MYOF: variants seen among roughly 807,000 people sequenced by gnomAD.
The protein encoded by MYOF is myoferlin.
In MYOF, 244 loss-of-function variants were observed where a neutral mutation model predicts 284.2. That is an observed-to-expected ratio of 0.86 (90% CI 0.77 to 0.95). The LOEUF is 0.95. Among genes scored for constraint, MYOF ranks in the 40% least tolerant of loss-of-function variants. The pLI, the probability that MYOF is intolerant of heterozygous loss-of-function variation, is 0.00. For missense variants in MYOF, 2,496 were observed against 2,560.6 expected (o/e 0.97, Z 0.54); for synonymous variants, 904 against 919.7 (o/e 0.98, Z 0.31).
At position 93,310,275 on chromosome 10, in the gene MYOF, GAAAAA is replaced by G. The variant is rs1489442010; in HGVS notation, c.6000-113_6000-109del. 17 of 1,391,894 alleles carry G rather than the reference GAAAAA, an allele frequency of 1.2e-5. No homozygotes were observed. In the East Asian group the frequency reaches 3.7e-4, roughly 30 times the overall value. 86.2% of individuals were successfully genotyped at this position (1,391,894 alleles called of 1,614,324 possible). ...TAAAGAATCACATTAATAAGGTCAA[GAAAAA>G]ATACTGTTCCCCTTCGTTGACTGAG... is the stretch of plus-strand genomic sequence containing the variant. On this transcript the variant is annotated intron_variant, in intron 52 of 53. Coordinates refer to ENST00000359263, the MANE Select transcript of MYOF (RefSeq NM_013451.4).
intron 21 of MYOF, among the ~76,000 whole-genome samples, chr10:93,378,717 G>GTATATATATATATGTATA (rs1262928506): frequency 4.8e-5 from 2 of 41,832 alleles, no homozygotes; most frequent in African/African-American, 1.8e-4. Context: ...ATATATATAT[G>GTATATATATATATGTATA]TATATATTTA....
At chr10:93,464,303 C>T (rs1224009419) in intron 1 of MYOF, among the ~76,000 whole-genome samples, 6 of 152,186 alleles carry the variant, frequency 3.9e-5, no homozygotes, top group Non-Finnish European at 8.8e-5. Context: ...GACTTGCTAG[C>T]CCCCACAACT....
At chr10:93,428,688 C>A (rs1848705403) in intron 4 of MYOF, among the ~76,000 whole-genome samples, 1 of 151,940 alleles carries the variant, frequency 6.6e-6, no homozygotes, top group African/African-American at 2.4e-5. Flanking sequence ...TGTCTTGGAA[C>A]TACTGCTCTG....
chr10:93,422,519 A>G (rs1341283786), intron 5 of MYOF, among the ~76,000 whole-genome samples: 1 of 152,200 alleles, frequency 6.6e-6, no homozygotes, highest in Admixed American at 6.5e-5. Context: ...AGTTGGGGCC[A>G]GGCGTGGTGG....
intron 39 of MYOF, among the ~76,000 whole-genome samples, chr10:93,338,936 A>C (rs1463464958): frequency 8.8e-5 from 13 of 147,616 alleles, no homozygotes; most frequent in South Asian, 2.1e-4. Flanking sequence ...AAAAAAAAAA[A>C]CAAACAAAAA....
chr10:93,440,333 AC>A (rs2056208343), intron 3 of MYOF, among the ~76,000 whole-genome samples: 1 of 151,594 alleles, frequency 6.6e-6, no homozygotes, highest in African/African-American at 2.4e-5. Context: ...AATCACTTGA[AC>A]CCGGGAGGCA....
intron 53 of MYOF, among the ~76,000 whole-genome samples, chr10:93,307,831 G>A (rs1435173976): frequency 3.3e-5 from 5 of 149,904 alleles, no homozygotes; most frequent in Non-Finnish European, 7.4e-5. Flanking sequence ...CACCATGTTG[G>A]TCAGGCTGGT....
At chr10:93,337,611 A>G (rs1843675387) in intron 40 of MYOF, 2 of 517,154 alleles carry the variant, frequency 3.9e-6, no homozygotes, top group South Asian at 6.7e-5. Flanking sequence ...TCACGTAACC[A>G]TAACTCAATA....
chr10:93,436,612 G>A (rs566002386), intron 3 of MYOF, among the ~76,000 whole-genome samples: 15 of 152,220 alleles, frequency 9.9e-5, no homozygotes, highest in African/African-American at 3.4e-4. Context: ...TTTTCATTGT[G>A]AATTGAAGAA....
Position 93,353,898 on chromosome 10 carries a change from CA to C in MYOF, c.3404-11del, listed in dbSNP as rs1844656918. On this transcript the variant is annotated splice_polypyrimidine_tract_variant and intron_variant, in intron 31 of 53. Coordinates refer to ENST00000359263, the MANE Select transcript of MYOF (RefSeq NM_013451.4). Reference sequence around the variant, plus strand: ...TGGTAGATGTAGACTCCTAAAAAAACAGGATAAAGATTACTTACAAGAAGCG... The same window carrying C: ...TGGTAGATGTAGACTCCTAAAAAAACGGATAAAGATTACTTACAAGAAGCG... The C allele has an allele frequency of 1.3e-6, 2 of 1,597,166 alleles. No individual in the cohort carries two copies. Among genetic ancestry groups the C allele is most frequent in the Admixed American group, 1.7e-5 (1 of 58,614 alleles).
At chr10:93,473,639 G>T (rs1215856028) in intron 1 of MYOF, among the ~76,000 whole-genome samples, 14 of 152,230 alleles carry the variant, frequency 9.2e-5, no homozygotes. Context: ...TGGCTCTTGT[G>T]AGGTCTGTGA....
At chr10:93,448,547 T>C (rs763809138) in intron 3 of MYOF, among the ~76,000 whole-genome samples, 36 of 152,230 alleles carry the variant, frequency 2.4e-4, no homozygotes, top group Non-Finnish European at 4.4e-4. Context: ...GATGAGAGTT[T>C]TGAGGCCAGC....
rs926845495 is a variant in MYOF at position 93,374,744 on chromosome 10, T to C, written c.2301+19A>G. The C allele has an allele frequency of 1.9e-6, 3 of 1,608,328 alleles. No individual in the cohort carries two copies. Among genetic ancestry groups the C allele is most frequent in the Non-Finnish European group, 2.5e-6 (3 of 1,177,328 alleles). On this transcript the variant is annotated intron_variant, in intron 23 of 53. Transcript: ENST00000359263. ...CTTCTTCCATATCAGGTGACGTTTG[T>C]GTAGTTTAAAAGTCCTACCTCTTCA...
chr10:93,482,251 G>T lies in MYOF; in HGVS notation c.-57C>A, dbSNP rs1475448713. 2.2e-5 allele frequency: 32 copies of T among 1,443,464 alleles called. No individual in the cohort carries two copies. The allele number at this position is 1,443,464 out of a possible 1,614,324, so 89.4% of individuals were successfully genotyped here. On this transcript the variant is annotated 5_prime_UTR_variant, in exon 1 of 54. Transcript: ENST00000359263. ...AAACGAAGTGGAGACTAGGGCGCTG[G>T]AGCTCCGGGTCGCACCGCCCTGGGA...
At chr10:93,416,407 C>T (rs1213598295) in intron 5 of MYOF, among the ~76,000 whole-genome samples, 1 of 151,786 alleles carries the variant, frequency 6.6e-6, no homozygotes, top group Non-Finnish European at 1.5e-5. Context: ...GCCTGTAATC[C>T]CAGCTACTCG....
At chr10:93,479,601 G>A (rs2057345608) in intron 1 of MYOF, among the ~76,000 whole-genome samples, 2 of 152,072 alleles carry the variant, frequency 1.3e-5, no homozygotes, top group Non-Finnish European at 2.9e-5. Context: ...TCAATACCTG[G>A]AACTAGAAAA....
chr10:93,466,442 G>T (rs2057010696), intron 1 of MYOF, among the ~76,000 whole-genome samples: 1 of 152,206 alleles, frequency 6.6e-6, no homozygotes, highest in South Asian at 2.1e-4. Context: ...TGACCTTTCA[G>T]ATGTACAGGC....
intron 43 of MYOF, among the ~76,000 whole-genome samples, chr10:93,332,075 T>A (rs531241284): frequency 2.0e-5 from 3 of 152,254 alleles, no homozygotes; most frequent in African/African-American, 7.2e-5. Flanking sequence ...TTAATAGAGC[T>A]CTGGGAGCCC....
chr10:93,369,266 T>TATGTGTGCGTGTGTGCGTGTGTGC (rs59877404), intron 25 of MYOF, among the ~76,000 whole-genome samples: 1 of 147,884 alleles, frequency 6.8e-6, no homozygotes, highest in African/African-American at 2.7e-5. Flanking sequence ...TTGGTGTGTG[T>TATGTGTGCGTGTGTGCGTGTGTGC]GTGTGTGTGT....
Sources: gnomAD v4.1 joint callset for allele counts (sites outside exome capture counted in the v4.1 genomes callset) on GRCh38, gnomAD v4.1.1 for gene constraint, MANE v1.5 for transcripts, NCBI Gene and HGNC (gene_info 2026-07-23, HGNC 2026-07-21) for gene names.